The following AMBRA1 variants were observed in gnomAD, a reference collection of about 807,000 sequenced individuals.
AMBRA1 encodes the protein autophagy and beclin 1 regulator 1.
A neutral mutation model predicts 125.4 loss-of-function variants in AMBRA1; 47 were observed. That is an observed-to-expected ratio of 0.37 (90% CI 0.30 to 0.48). The LOEUF is 0.48. Among genes scored for constraint, AMBRA1 ranks in the 20% least tolerant of loss-of-function variants. The probability of loss-of-function intolerance (pLI) is 0.99; values close to 1 mark genes in which losing one functional copy is unlikely to be tolerated. For missense variants in AMBRA1, 1,331 were observed against 1,693.4 expected, an observed-to-expected ratio of 0.79 and a Z score of 3.76; for synonymous variants, 626 against 655.5, an observed-to-expected ratio of 0.95 and a Z score of 0.69.
intron 7 of AMBRA1, among the ~76,000 whole-genome samples, chr11:46,524,647 T>C (rs893557484): frequency 6.6e-6 from 1 of 152,216 alleles, no homozygotes; most frequent in African/African-American, 2.4e-5. Flanking sequence ...GTTATTATGA[T>C]TAAGAACCTG....
intron 12 of AMBRA1, among the ~76,000 whole-genome samples, chr11:46,439,545 A>G (rs906534009): frequency 6.6e-6 from 1 of 152,192 alleles, no homozygotes; most frequent in Non-Finnish European, 1.5e-5. Flanking sequence ...CTAGTGAATC[A>G]AAGACTTAAC....
intron 7 of AMBRA1, among the ~76,000 whole-genome samples, chr11:46,523,795 C>T (rs1451677463): frequency 2.0e-5 from 3 of 152,160 alleles, no homozygotes; most frequent in African/African-American, 7.2e-5. Flanking sequence ...CAGAACCAGG[C>T]AGTACTATTA....
chr11:46,532,166 G>A (rs926781408), intron 7 of AMBRA1, among the ~76,000 whole-genome samples: 4 of 152,038 alleles, frequency 2.6e-5, no homozygotes, highest in Admixed American at 1.3e-4. Context: ...TTCTTATGAA[G>A]AGGCAAGAGA....
At chr11:46,532,698 G>C (rs549929601) in intron 7 of AMBRA1, among the ~76,000 whole-genome samples, 10 of 152,338 alleles carry the variant, frequency 6.6e-5, no homozygotes, top group Middle Eastern at 6.8e-3. Flanking sequence ...GCCTTCCAAA[G>C]TGCTGGGATT....
At chr11:46,398,777 A>G (rs1945576614) in intron 17 of AMBRA1, among the ~76,000 whole-genome samples, 1 of 144,744 alleles carries the variant, frequency 6.9e-6, no homozygotes, top group Admixed American at 6.8e-5. Context: ...CGCCTGGCCT[A>G]TTTTATTTAT....
chr11:46,570,757 C>A (rs1015171416), intron 1 of AMBRA1, among the ~76,000 whole-genome samples: 1 of 151,946 alleles, frequency 6.6e-6, no homozygotes, highest in African/African-American at 2.4e-5. Flanking sequence ...CACATGACAA[C>A]AGAAAAAATT....
chr11:46,584,908 C>T (rs538099496), intron 1 of AMBRA1, among the ~76,000 whole-genome samples: 86 of 152,200 alleles, frequency 5.7e-4, no homozygotes, highest in African/African-American at 2.0e-3. Context: ...CCTGTCTCTA[C>T]TAAAAATACA....
intron 11 of AMBRA1, among the ~76,000 whole-genome samples, chr11:46,462,704 C>T (rs7930103): frequency 0.19 from 29,192 of 151,674 alleles, 3,183 homozygotes; most frequent in African/African-American, 0.3. Flanking sequence ...TACTAAAATC[C>T]CCTTCATCCC....
chr11:46,547,334 G>A (rs1466452697), intron 3 of AMBRA1, 38 bp from the exon 4 acceptor site: 3 of 1,551,322 alleles, frequency 1.9e-6, no homozygotes, highest in African/African-American at 2.7e-5. Context: ...TCAGAAGCAT[G>A]TGGAAGGGTA....
At chr11:46,436,695 T>C (rs1365132578) in intron 12 of AMBRA1, among the ~76,000 whole-genome samples, 3 of 152,196 alleles carry the variant, frequency 2.0e-5, no homozygotes, top group Non-Finnish European at 4.4e-5. Context: ...TCTCCTTTTC[T>C]GGATCAACAC....
intron 14 of AMBRA1, chr11:46,428,524 T>C: frequency 5.9e-6 from 5 of 841,664 alleles, no homozygotes; most frequent in South Asian, 1.6e-5. Flanking sequence ...AGATTCAAGT[T>C]CCTAGTGCCT....
intron 16 of AMBRA1, 152 bp downstream of exon 16, chr11:46,410,124 T>C (rs1425507592): frequency 2.9e-6 from 2 of 684,534 alleles, no homozygotes; most frequent in Admixed American, 5.1e-5. Context: ...AACACTTTTC[T>C]CAAATGAAAC....
chr11:46,539,908 C>T (rs1952652003), intron 7 of AMBRA1, among the ~76,000 whole-genome samples: 1 of 151,910 alleles, frequency 6.6e-6, no homozygotes, highest in African/African-American at 2.4e-5. Flanking sequence ...CTTGGCTCAC[C>T]GCAACCTCCA....
intron 14 of AMBRA1, among the ~76,000 whole-genome samples, chr11:46,431,815 A>T (rs541173906): frequency 6.8e-4 from 103 of 152,364 alleles, no homozygotes; most frequent in African/African-American, 2.4e-3. Flanking sequence ...ATAAGAAAAT[A>T]GACTTGATGA....
At chr11:46,526,547 T>TAAAAA (rs79918375) in intron 7 of AMBRA1, among the ~76,000 whole-genome samples, 1 of 111,004 alleles carries the variant, frequency 9.0e-6, no homozygotes, top group Non-Finnish European at 2.0e-5. Flanking sequence ...AAATTAAAAT[T>TAAAAA]AAAAAAAAAA....
At chr11:46,398,662 G>C (rs1455010691) in intron 17 of AMBRA1, among the ~76,000 whole-genome samples, 1 of 152,084 alleles carries the variant, frequency 6.6e-6, no homozygotes, top group East Asian at 1.9e-4. Context: ...ATTTTTAGTA[G>C]AGACAGGGTT....
chr11:46,587,363 G>C (rs911052040), intron 1 of AMBRA1, among the ~76,000 whole-genome samples: 1 of 152,042 alleles, frequency 6.6e-6, no homozygotes, highest in Non-Finnish European at 1.5e-5. Context: ...CTGGGCCACA[G>C]AGTGAGACCC....
chr11:46,551,470 G>A (rs1227731331), intron 1 of AMBRA1, among the ~76,000 whole-genome samples: 4 of 152,104 alleles, frequency 2.6e-5, no homozygotes, highest in African/African-American at 9.7e-5. Context: ...TTTTAAAGAT[G>A]GGGTCTCGCT....
chr11:46,465,303 G>T (rs1590875726), intron 11 of AMBRA1, among the ~76,000 whole-genome samples: 1 of 152,228 alleles, frequency 6.6e-6, no homozygotes, highest in South Asian at 2.1e-4. Flanking sequence ...GCCTTGTGTT[G>T]TGTGGCATGG....
Sources: allele counts gnomAD v4.1 joint callset (sites outside exome capture counted in the v4.1 genomes callset), GRCh38; gene constraint gnomAD v4.1.1; transcripts MANE v1.5; gene names NCBI Gene and HGNC (gene_info 2026-07-23, HGNC 2026-07-21).